ABAT: variants seen among roughly 807,000 people sequenced by gnomAD.
ABAT encodes 4-aminobutyrate aminotransferase.
In ABAT, 45 loss-of-function variants were observed where a neutral mutation model predicts 64.6. The ratio of observed to expected loss-of-function variants is 0.70; its 90% CI spans 0.55 to 0.89. The LOEUF (loss-of-function observed/expected upper bound fraction) is 0.89, where lower values mean the gene tolerates loss of function less well. Among genes scored for constraint, ABAT ranks in the 40% least tolerant of loss-of-function variants. The probability of loss-of-function intolerance (pLI) is 0.00; values close to 1 mark genes in which losing one functional copy is unlikely to be tolerated. For synonymous variants in ABAT, 297 were observed against 250.5 expected, an observed-to-expected ratio of 1.19 and a Z score of -1.75; for missense variants, 633 against 658.4, an observed-to-expected ratio of 0.96 and a Z score of 0.42.
intron 1 of ABAT, among the ~76,000 whole-genome samples, chr16:8,729,936 C>T (rs1360216447): frequency 6.6e-6 from 1 of 151,636 alleles, no homozygotes; most frequent in Non-Finnish European, 1.5e-5. Context: ...CCAGTAGGGC[C>T]AGGTCTATGC....
intron 1 of ABAT, among the ~76,000 whole-genome samples, chr16:8,725,511 A>G (rs11647162): frequency 0.26 from 38,870 of 152,138 alleles, 5,313 homozygotes; most frequent in African/African-American, 0.35. Context: ...CATAAAAAAT[A>G]TTTTGAGATT....
At chr16:8,744,598 C>T (rs1405080034) in intron 2 of ABAT, among the ~76,000 whole-genome samples, 1 of 152,034 alleles carries the variant, frequency 6.6e-6, no homozygotes, top group East Asian at 1.9e-4. Flanking sequence ...GAACTCCTGA[C>T]CTCAGGTGAT....
At chr16:8,778,681 A>G (rs1239267020) in intron 14 of ABAT, among the ~76,000 whole-genome samples, 1 of 151,992 alleles carries the variant, frequency 6.6e-6, no homozygotes, top group Non-Finnish European at 1.5e-5. Context: ...AGGAGGCTGA[A>G]GCACAAGAAT....
At chr16:8,710,904 C>G (rs2058056807) in intron 1 of ABAT, among the ~76,000 whole-genome samples, 1 of 152,162 alleles carries the variant, frequency 6.6e-6, no homozygotes, top group Non-Finnish European at 1.5e-5. Flanking sequence ...AGAGAGAAGA[C>G]CGACATTTAT....
intron 1 of ABAT, among the ~76,000 whole-genome samples, chr16:8,695,308 G>T (rs989316390): frequency 7.2e-5 from 11 of 152,232 alleles, no homozygotes; most frequent in African/African-American, 2.7e-4. Context: ...AGACTGGAAT[G>T]AGAAGCAGAT....
chr16:8,743,605 T>G (rs893244744), intron 2 of ABAT, among the ~76,000 whole-genome samples: 1 of 145,316 alleles, frequency 6.9e-6, no homozygotes, highest in African/African-American at 2.5e-5. Context: ...TAATATATAA[T>G]ATATATTTTA....
Position 8,776,234 on chromosome 16 carries a change from C to G in ABAT, c.1123-110C>G, listed in dbSNP as rs1011625807. On this transcript the variant is annotated intron_variant, in intron 13 of 15. Coordinates refer to ENST00000268251, the MANE Select transcript of ABAT (RefSeq NM_020686.6). The surrounding 1 kb of genome is among the most constrained non-coding windows in gnomAD (Gnocchi z 4.4). ...CCTGCCAGCCTCTGGTAGATGCCCA[C>G]TAGATTAGTTTCTCTCCTCTTCAAG... is the stretch of plus-strand genomic sequence containing the variant. 4.1e-6 allele frequency: 6 copies of G among 1,473,276 alleles called. No individual in the cohort carries two copies. Among genetic ancestry groups the G allele is most frequent in the Non-Finnish European group, 5.6e-6 (6 of 1,062,448 alleles). The allele number at this position is 1,473,276 out of a possible 1,614,324, so 91.3% of individuals were successfully genotyped here.
At position 8,776,981 on chromosome 16, in the gene ABAT, C is replaced by G. The variant is rs920764911; in HGVS notation, c.1269+491C>G. Among the ~76,000 whole-genome samples the G allele has an allele frequency of 2.0e-5, 3 of 152,184 alleles. No homozygotes were observed. The highest frequency in any genetic ancestry group is 2.9e-5 in the Non-Finnish European group (2 of 68,020). ...TGGCGCAATCTCAGCTCACCGCAACCGCTGCCTCCTGGGTTCAGGAGATTC... is the reference window on the plus strand; with the variant it reads ...TGGCGCAATCTCAGCTCACCGCAACGGCTGCCTCCTGGGTTCAGGAGATTC... On this transcript the variant is annotated intron_variant, in intron 14 of 15. Transcript: ENST00000268251. This position sits in a 1 kb window ranked among gnomAD's most constrained non-coding sequence, Gnocchi z 4.4.
At chr16:8,709,223 T>A (rs1365578299) in intron 1 of ABAT, among the ~76,000 whole-genome samples, 2 of 138,534 alleles carry the variant, frequency 1.4e-5, no homozygotes, top group African/African-American at 5.2e-5. Context: ...CTTTATTTTT[T>A]AATGTATTAT....
intron 6 of ABAT, among the ~76,000 whole-genome samples, chr16:8,759,096 T>C (rs998244181): frequency 6.6e-6 from 1 of 151,914 alleles, no homozygotes; most frequent in African/African-American, 2.4e-5. Flanking sequence ...AGGGAGACTT[T>C]ATCCCAAAAA....
chr16:8,775,216 G>A (rs2060231117), intron 13 of ABAT, among the ~76,000 whole-genome samples, 159 bp downstream of exon 13: 1 of 152,142 alleles, frequency 6.6e-6, no homozygotes. Flanking sequence ...GCAGTGGTGT[G>A]CCCTCCCAGC....
intron 12 of ABAT, among the ~76,000 whole-genome samples, chr16:8,774,527 G>C (rs1316524851): frequency 6.6e-6 from 1 of 152,076 alleles, no homozygotes; most frequent in Non-Finnish European, 1.5e-5. Context: ...TGAAGTTTGA[G>C]AAGCACATTC....
At chr16:8,757,982 G>A (rs1329356011) in intron 6 of ABAT, among the ~76,000 whole-genome samples, 176 bp downstream of exon 6, 1 of 152,160 alleles carries the variant, frequency 6.6e-6, no homozygotes, top group Non-Finnish European at 1.5e-5. Flanking sequence ...ACGCAGTGCC[G>A]ACATTCCCAC....
chr16:8,744,617 C>T (rs2059277246), intron 2 of ABAT, among the ~76,000 whole-genome samples: 1 of 152,132 alleles, frequency 6.6e-6, no homozygotes, highest in Non-Finnish European at 1.5e-5. Flanking sequence ...ATCCACCTGC[C>T]TGAACCTCCC....
chr16:8,741,993 A>G (rs111601046), intron 2 of ABAT, among the ~76,000 whole-genome samples: 2 of 152,350 alleles, frequency 1.3e-5, no homozygotes, highest in Non-Finnish European at 2.9e-5. Context: ...AATATGTGTT[A>G]ATTTCCCCAT....
chr16:8,743,003 T>C (rs2059207658), intron 2 of ABAT, among the ~76,000 whole-genome samples: 1 of 103,436 alleles, frequency 9.7e-6, no homozygotes, highest in South Asian at 4.0e-4. Flanking sequence ...AGACCTCATT[T>C]CTTTAAAAAA....
chr16:8,711,599 A>C (rs998798758), intron 1 of ABAT, among the ~76,000 whole-genome samples: 2 of 152,198 alleles, frequency 1.3e-5, no homozygotes, highest in African/African-American at 4.8e-5. Context: ...ACCCTGCTGA[A>C]CCAGGGAGAG....
intron 1 of ABAT, among the ~76,000 whole-genome samples, chr16:8,733,003 G>A (rs1316711225): frequency 2.0e-5 from 3 of 149,606 alleles, no homozygotes; most frequent in Admixed American, 2.0e-4. Flanking sequence ...CCTCCCGGAC[G>A]GGGCGGCTGG....
At chr16:8,731,879 A>C (rs1024381112) in intron 1 of ABAT, among the ~76,000 whole-genome samples, 2 of 151,686 alleles carry the variant, frequency 1.3e-5, no homozygotes, top group Non-Finnish European at 2.9e-5. Flanking sequence ...CTTGAAACAG[A>C]GTCTCGCCCT....
Sources: gnomAD v4.1 joint callset for allele counts (sites outside exome capture counted in the v4.1 genomes callset) on GRCh38, gnomAD v4.1.1 for gene constraint, Gnocchi (gnomAD v3.1) non-coding constraint, MANE v1.5 for transcripts, NCBI Gene and HGNC (gene_info 2026-07-23, HGNC 2026-07-21) for gene names.